EPHA7: variants seen among roughly 807,000 people sequenced by gnomAD.
The protein encoded by EPHA7 is ephrin type-A receptor 7.
In EPHA7, 25 loss-of-function variants were observed where a neutral mutation model predicts 112.6. The ratio of observed to expected loss-of-function variants is 0.22; its 90% CI spans 0.16 to 0.31. EPHA7 has a LOEUF of 0.31. Ranked by LOEUF, EPHA7 falls within the 10% of genes least tolerant of loss-of-function variation. The pLI is 1.00. For synonymous variants in EPHA7, 437 were observed against 406.5 expected (o/e 1.07, Z -0.90); for missense variants, 962 against 1,212.6 (o/e 0.79, Z 3.07).
Position 93,272,338 on chromosome 6 carries a change from T to C in EPHA7, c.1409A>G (p.Asn470Ser), listed in dbSNP as rs1771265834. Residue 470 changes from asparagine (N) to serine (S), a missense_variant, in exon 6 of 17, where the codon AAT becomes AGT. By Grantham distance (46) the Asn-to-Ser change is conservative. This residue lies in a region of EPHA7 where 746 missense variants were observed against 889.2 expected (regional missense o/e 0.84). Coordinates refer to ENST00000369303, the MANE Select transcript of EPHA7 (RefSeq NM_004440.4). ...GATTTCATATTCTGTGATGACTCCA[T>C]TGGGATGCTCTGGTTCCTGCCAGGA... is the stretch of plus-strand genomic sequence containing the variant. ...ELSWQEPEHP[N>S]GVITEYEIKY... 16 of 1,612,032 alleles carry C rather than the reference T, an allele frequency of 9.9e-6. No individual in the cohort carries two copies. Among genetic ancestry groups the C allele is most frequent in the African/African-American group, 1.3e-5 (1 of 74,748 alleles).
At chr6:93,375,579 C>A (rs1216506775) in intron 3 of EPHA7, among the ~76,000 whole-genome samples, 13 of 150,248 alleles carry the variant, frequency 8.7e-5, no homozygotes, top group Non-Finnish European at 1.5e-4. Flanking sequence ...GCAGAGAGAC[C>A]TTGACTCAAA....
chr6:93,272,150 G>T, intron 6 of EPHA7, 148 bp downstream of exon 6: 1 of 760,456 alleles, frequency 1.3e-6, no homozygotes. Context: ...GAGATTCACA[G>T]AGATGGTTAT....
In EPHA7 at chr6:93,245,312, G is replaced by A; in HGVS notation, c.2868C>T (p.Ala956=). Residue 956 remains alanine, a synonymous_variant, in exon 16 of 17, where the codon GCC becomes GCT. Transcript: ENST00000369303. ...TTTAAGCTTACTCAATAGTCATCCT[G>A]GCTACTGATTCAAGGGAATTGTAGC... The part of the protein sequence containing the change: ...AAGYNSLESV[A]RMTIEDVMSL... 1.2e-6 allele frequency: 2 copies of A among 1,612,624 alleles called. No homozygotes were observed. Among genetic ancestry groups the A allele is most frequent in the Non-Finnish European group, 8.5e-7 (1 of 1,179,738 alleles).
chr6:93,336,282 A>C (rs1368627735), intron 5 of EPHA7, among the ~76,000 whole-genome samples: 1 of 152,208 alleles, frequency 6.6e-6, no homozygotes, highest in Non-Finnish European at 1.5e-5. Context: ...CAAGGTATAC[A>C]TGAAAGTTTC....
intron 6 of EPHA7, 140 bp downstream of exon 6, chr6:93,272,158 T>C: frequency 1.2e-6 from 1 of 824,308 alleles, no homozygotes. Context: ...CAGAGATGGT[T>C]ATTATAAATG....
intron 7 of EPHA7, among the ~76,000 whole-genome samples, chr6:93,267,765 G>A (rs542202359): frequency 2.0e-5 from 3 of 151,710 alleles, no homozygotes; most frequent in Non-Finnish European, 4.4e-5. Flanking sequence ...ATGAATCTCA[G>A]CACACATTAA....
chr6:93,411,717 G>A (rs1314546298), intron 2 of EPHA7, among the ~76,000 whole-genome samples: 7 of 152,036 alleles, frequency 4.6e-5, no homozygotes, highest in African/African-American at 1.7e-4. Context: ...GAGATATAAG[G>A]AAGTAACATT....
Position 93,258,089 on chromosome 6 carries a change from C to A in EPHA7, c.2110+10G>T. ...CTTTTTGATAAAATAAAGATATAAC[C>A]AATATCTACCTCTTGTAACAACCCC... On this transcript the variant is annotated intron_variant, in intron 11 of 16. Transcript: ENST00000369303. 1.9e-6 allele frequency: 3 copies of A among 1,604,554 alleles called. No homozygotes were observed. The highest frequency in any genetic ancestry group is 1.7e-6 in the Non-Finnish European group (2 of 1,173,020).
chr6:93,392,937 T>C (rs1412955795), intron 3 of EPHA7, among the ~76,000 whole-genome samples: 1 of 151,888 alleles, frequency 6.6e-6, no homozygotes, highest in Non-Finnish European at 1.5e-5. Flanking sequence ...AATTCTTTAT[T>C]AGGAATAACA....
intron 7 of EPHA7, 115 bp downstream of exon 7, chr6:93,269,361 AT>A: frequency 2.7e-6 from 2 of 745,192 alleles, no homozygotes; most frequent in South Asian, 2.7e-5. Flanking sequence ...GTACATATAT[AT>A]TTATTTGTAA....
intron 7 of EPHA7, among the ~76,000 whole-genome samples, chr6:93,267,806 C>T (rs1240490348): frequency 6.6e-6 from 1 of 151,570 alleles, no homozygotes; most frequent in Non-Finnish European, 1.5e-5. Flanking sequence ...TCTCAATTTA[C>T]AAAGTCAGGA....
rs1335385302 is a variant in EPHA7, at chr6:93,240,998, G to C, written c.*2428C>G. 9.4e-6 allele frequency: 2 copies of C among 212,504 alleles called. No individual in the cohort carries two copies. The highest frequency in any genetic ancestry group is 7.1e-5 in the East Asian group (1 of 14,172). 13.2% of individuals were successfully genotyped at this position (212,504 alleles called of 1,614,324 possible). A position where few individuals can be genotyped will look rare whatever the true frequency, so the allele number is the denominator to read the frequency against. On this transcript the variant is annotated 3_prime_UTR_variant, in exon 17 of 17. Transcript: ENST00000369303. ...ATCCCTTCTCCCCTTTCCCTGTAAA[G>C]AGCTGTAAAAAATTTAAGGCAGATG...
intron 5 of EPHA7, among the ~76,000 whole-genome samples, chr6:93,302,073 C>T (rs565945514): frequency 2.0e-5 from 3 of 152,182 alleles, no homozygotes; most frequent in East Asian, 1.9e-4. Flanking sequence ...GTCACTGGGC[C>T]GGAAAGTGTG....
intron 15 of EPHA7, 115 bp downstream of exon 15, chr6:93,246,677 G>T: frequency 1.3e-6 from 1 of 789,974 alleles, no homozygotes; most frequent in Admixed American, 2.5e-5. Context: ...CATTTAATAT[G>T]AGTTTATACG....
rs985971635 is a variant in EPHA7, at chr6:93,290,299, T to C, written c.1325-17877A>G. Among the ~76,000 whole-genome samples the C allele has an allele frequency of 6.6e-5, 10 of 152,238 alleles. No homozygotes were observed. In the East Asian group the frequency reaches 1.9e-3, roughly 29 times the overall value. On this transcript the variant is annotated intron_variant, in intron 5 of 16. Coordinates refer to ENST00000369303, the MANE Select transcript of EPHA7 (RefSeq NM_004440.4). The stretch of plus-strand genomic sequence containing the variant: ...ATATGATAACTACAGAAAAGTATTA[T>C]GTAACAAATGACTTGTACCTTCTTG...
chr6:93,407,524 C>A (rs1429447345), intron 3 of EPHA7, among the ~76,000 whole-genome samples: 1 of 152,036 alleles, frequency 6.6e-6, no homozygotes, highest in Non-Finnish European at 1.5e-5. Context: ...TTGTCAACAT[C>A]ACCAAGGCTA....
At chr6:93,353,200 A>C (rs1453066264) in intron 5 of EPHA7, among the ~76,000 whole-genome samples, 2 of 152,176 alleles carry the variant, frequency 1.3e-5, no homozygotes, top group Non-Finnish European at 2.9e-5. Context: ...TATATTTTAA[A>C]AAATATCTCC....
chr6:93,256,066 T>A, intron 12 of EPHA7, 29 bp from the exon 13 acceptor site: 1 of 1,599,992 alleles, frequency 6.3e-7, no homozygotes, highest in South Asian at 1.1e-5. Flanking sequence ...AAAAGCCCAG[T>A]TAACTGCATA....
chr6:93,310,936 T>C (rs1194064167), intron 5 of EPHA7, among the ~76,000 whole-genome samples: 1 of 151,882 alleles, frequency 6.6e-6, no homozygotes, highest in East Asian at 1.9e-4. Flanking sequence ...CACTTCCTTT[T>C]GTGAAACATG....
Sources: gnomAD v4.1 joint callset for allele counts (sites outside exome capture counted in the v4.1 genomes callset) on GRCh38, gnomAD v4.1.1 for gene constraint, gnomAD v4.1.1 regional missense constraint, MANE v1.5 for transcripts, NCBI Gene and HGNC (gene_info 2026-07-23, HGNC 2026-07-21) for gene names.